The following RARB variants were observed in gnomAD, a reference collection of about 807,000 sequenced individuals.
The protein encoded by RARB is retinoic acid receptor beta.
A neutral mutation model predicts 51.9 loss-of-function variants in RARB; 17 were observed. That is an observed-to-expected ratio of 0.33 (90% CI 0.22 to 0.49). RARB has a LOEUF of 0.49. Among genes scored for constraint, RARB ranks in the 20% least tolerant of loss-of-function variants. RARB has a pLI of 0.99. For synonymous variants in RARB, 215 were observed against 195.4 expected (o/e 1.10, Z -0.84); for missense variants, 369 against 550.8 (o/e 0.67, Z 3.30).
chr3:24,982,761 GA>G (rs1318618059), intron 2 of RARB, among the ~76,000 whole-genome samples: 2 of 152,124 alleles, frequency 1.3e-5, no homozygotes, highest in African/African-American at 4.8e-5. Flanking sequence ...ATCCCTGGGG[GA>G]ATTTTAGAAA....
chr3:24,897,729 C>A (rs527388412), intron 2 of RARB, among the ~76,000 whole-genome samples: 2 of 149,618 alleles, frequency 1.3e-5, no homozygotes, highest in Admixed American at 1.3e-4. Context: ...ACAGTATTTT[C>A]CATAGAACAC....
chr3:25,208,090 A>G (rs768458547), intron 5 of RARB, among the ~76,000 whole-genome samples: 1 of 152,130 alleles, frequency 6.6e-6, no homozygotes, highest in Non-Finnish European at 1.5e-5. Flanking sequence ...CTCACTCATT[A>G]TTGCAAGGAC....
In RARB at chr3:24,933,203, C is replaced by T. The variant is rs115963678; in HGVS notation, c.-380+74451C>T. The stretch of plus-strand genomic sequence containing the variant: ...CCTATAAAAACATTCTTTCAAATAA[C>T]TCTGCATCATTTTAGTCTCTGAAAT... On this transcript the variant is annotated intron_variant, in intron 2 of 11. Transcript: ENST00000383772. 8.3e-3 allele frequency among the ~76,000 whole-genome samples: 1,260 copies of T among 152,038 alleles called. 17 individuals are homozygous for T. The highest frequency in any genetic ancestry group is 0.029 in the African/African-American group (1,213 of 41,498).
chr3:25,476,183 G>A (rs1428724338), intron 2 of RARB, among the ~76,000 whole-genome samples: 2 of 152,168 alleles, frequency 1.3e-5, no homozygotes, highest in African/African-American at 4.8e-5. Context: ...TCCAAATGGA[G>A]TAGATGAAAA....
At chr3:25,043,958 GT>G (rs1419957770) in intron 2 of RARB, among the ~76,000 whole-genome samples, 1 of 152,116 alleles carries the variant, frequency 6.6e-6, no homozygotes, top group African/African-American at 2.4e-5. Flanking sequence ...AAGCATGTGT[GT>G]GTGGATATGG....
intron 5 of RARB, among the ~76,000 whole-genome samples, chr3:25,303,763 G>A (rs543899138): frequency 6.7e-4 from 102 of 152,290 alleles, no homozygotes; most frequent in Middle Eastern, 3.4e-3. Context: ...CAGTAAAGCT[G>A]CTTTGAGCAC....
chr3:25,230,137 C>A (rs1702142834), intron 5 of RARB, among the ~76,000 whole-genome samples: 1 of 152,116 alleles, frequency 6.6e-6, no homozygotes, highest in African/African-American at 2.4e-5. Flanking sequence ...TTCTCTGTTT[C>A]TTCCACCATT....
intron 2 of RARB, among the ~76,000 whole-genome samples, chr3:24,877,527 A>G (rs1703070595): frequency 6.6e-6 from 1 of 151,974 alleles, no homozygotes. Context: ...CAAAATCCTG[A>G]AGTTTCACTT....
At chr3:25,407,486 A>T (rs1490497921) in intron 5 of RARB, among the ~76,000 whole-genome samples, 1 of 152,220 alleles carries the variant, frequency 6.6e-6, no homozygotes, top group Non-Finnish European at 1.5e-5. Context: ...AATAATTATT[A>T]TAATCCCTGA....
At chr3:25,250,556 T>C (rs560089189) in intron 5 of RARB, among the ~76,000 whole-genome samples, 1 of 152,220 alleles carries the variant, frequency 6.6e-6, no homozygotes, top group South Asian at 2.1e-4. Flanking sequence ...CTGGGGATTG[T>C]GGGGTCACTG....
At chr3:24,845,893 C>T (rs758891389) in intron 1 of RARB, among the ~76,000 whole-genome samples, 10 of 152,134 alleles carry the variant, frequency 6.6e-5, no homozygotes, top group Non-Finnish European at 1.3e-4. Context: ...GGGTGATTAC[C>T]ATCCCTTTGA....
chr3:25,298,959 A>G (rs1000607186), intron 5 of RARB, among the ~76,000 whole-genome samples: 4 of 152,132 alleles, frequency 2.6e-5, no homozygotes, highest in Non-Finnish European at 5.9e-5. Context: ...TGATTATGCT[A>G]ACGTGCATTC....
chr3:25,196,951 T>C (rs1226418978), intron 5 of RARB, among the ~76,000 whole-genome samples: 3 of 152,250 alleles, frequency 2.0e-5, no homozygotes, highest in African/African-American at 7.2e-5. Flanking sequence ...AAGTTCTTTG[T>C]AGATTCTGGA....
chr3:25,327,547 G>A (rs1172280089), intron 5 of RARB, among the ~76,000 whole-genome samples: 1 of 152,186 alleles, frequency 6.6e-6, no homozygotes, highest in African/African-American at 2.4e-5. Flanking sequence ...GTTTGAGCAT[G>A]GAATAGAGAC....
At position 25,492,782 on chromosome 3, in the gene RARB, G is replaced by A. The variant is rs143164177; in HGVS notation, c.307-8400G>A. Among the ~76,000 whole-genome samples, 439 of 152,164 alleles carry A rather than the reference G, an allele frequency of 2.9e-3. 2 individuals are homozygous for A. The highest frequency in any genetic ancestry group is 9.4e-3 in the African/African-American group (392 of 41,504). ...TTTCTTTTCTAATAGTAAGTGTGCC[G>A]AGGAAGCTTCTAGACCAAGGGAATT... On this transcript the variant is annotated intron_variant, in intron 2 of 7. Transcript: ENST00000330688.
At chr3:25,408,818 G>A (rs1242292496) in intron 5 of RARB, among the ~76,000 whole-genome samples, 5 of 152,100 alleles carry the variant, frequency 3.3e-5, no homozygotes, top group South Asian at 2.1e-4. Context: ...GGCAGATCAC[G>A]AGGTAAGGAA....
chr3:25,001,803 G>T (rs1176689834), intron 2 of RARB, among the ~76,000 whole-genome samples: 2 of 152,142 alleles, frequency 1.3e-5, no homozygotes, highest in Non-Finnish European at 2.9e-5. Context: ...TCATGGAAAT[G>T]TGTTCACTGA....
At chr3:25,530,282 A>G (rs1439446779) in intron 3 of RARB, among the ~76,000 whole-genome samples, 1 of 152,250 alleles carries the variant, frequency 6.6e-6, no homozygotes, top group Non-Finnish European at 1.5e-5. Context: ...TGGAGAGTCT[A>G]CATGGTGATA....
Position 25,205,074 on chromosome 3 carries a change from C to T in RARB, c.178+30499C>T, listed in dbSNP as rs140495365. ...TCCTTGAGCTGTGGTGGGCTCTACCCGGTTCGAGCTTCCTGGCTGCTTTGG... is the reference window on the plus strand; with the variant it reads ...TCCTTGAGCTGTGGTGGGCTCTACCTGGTTCGAGCTTCCTGGCTGCTTTGG... On this transcript the variant is annotated intron_variant, in intron 5 of 11. Coordinates refer to the RARB transcript ENST00000383772. Among the ~76,000 whole-genome samples, 1,163 of 152,256 alleles carry T rather than the reference C, an allele frequency of 7.6e-3. 6 individuals carry two copies. The highest frequency in any genetic ancestry group is 0.012 in the Non-Finnish European group (814 of 68,006).
Sources: allele counts gnomAD v4.1 joint callset (sites outside exome capture counted in the v4.1 genomes callset), GRCh38; gene constraint gnomAD v4.1.1; transcripts MANE v1.5; gene names NCBI Gene and HGNC (gene_info 2026-07-23, HGNC 2026-07-21).